CASS4: variants seen among roughly 807,000 people sequenced by gnomAD.
CASS4 encodes the protein Cas scaffold protein family member 4, also known as cas scaffolding protein family member 4.
In CASS4, 22 loss-of-function variants were observed where a neutral mutation model predicts 54.2. That is an observed-to-expected ratio of 0.41 (90% CI 0.29 to 0.58). The LOEUF (loss-of-function observed/expected upper bound fraction) is 0.58. CASS4 is among the 20% of genes least tolerant of loss of function. The pLI, the probability that CASS4 is intolerant of heterozygous loss-of-function variation, is 0.36. For synonymous variants in CASS4, 409 were observed against 391.5 expected, an observed-to-expected ratio of 1.04 and a Z score of -0.53; for missense variants, 854 against 986.7, an observed-to-expected ratio of 0.87 and a Z score of 1.80.
At chr20:56,431,303 C>T (rs1270438258) in intron 1 of CASS4, among the ~76,000 whole-genome samples, 1 of 152,162 alleles carries the variant, frequency 6.6e-6, no homozygotes, top group African/African-American at 2.4e-5. Flanking sequence ...AAGGAACTCC[C>T]CAAGACTTTG....
At chr20:56,445,769 C>T (rs116044858) in intron 2 of CASS4, 131 bp from the exon 3 acceptor site, 14 of 624,258 alleles carry the variant, frequency 2.2e-5, no homozygotes, top group Admixed American at 2.2e-4. Context: ...AGCCTGCCAG[C>T]GGGGGTGCCG....
intron 1 of CASS4, among the ~76,000 whole-genome samples, chr20:56,432,842 C>A (rs1036902657): frequency 1.3e-5 from 2 of 152,186 alleles, no homozygotes; most frequent in Non-Finnish European, 2.9e-5. Flanking sequence ...TGAGGTTTAT[C>A]TTCTGGACAT....
At chr20:56,447,471 G>A (rs935723477) in intron 3 of CASS4, among the ~76,000 whole-genome samples, 9 of 152,208 alleles carry the variant, frequency 5.9e-5, no homozygotes, top group African/African-American at 1.4e-4. Flanking sequence ...GCAAGAGGCA[G>A]GCAGGGACAA....
chr20:56,431,465 G>A (rs1459673337), intron 1 of CASS4, among the ~76,000 whole-genome samples: 2 of 152,216 alleles, frequency 1.3e-5, no homozygotes, highest in African/African-American at 4.8e-5. Context: ...ATATTGAGGG[G>A]AATCGTGTTA....
At chr20:56,436,793 G>A (rs1980193512) in intron 1 of CASS4, among the ~76,000 whole-genome samples, 1 of 152,120 alleles carries the variant, frequency 6.6e-6, no homozygotes, top group African/African-American at 2.4e-5. Flanking sequence ...AGGCTGGGGT[G>A]GGAGGACTGC....
chr20:56,455,800 G>A (rs964498028), intron 5 of CASS4, among the ~76,000 whole-genome samples: 4 of 151,962 alleles, frequency 2.6e-5, no homozygotes, highest in South Asian at 2.1e-4. Flanking sequence ...GCATGATAGC[G>A]GGCACCTGTA....
chr20:56,414,789 A>G lies in CASS4; in HGVS notation c.36+2295A>G, dbSNP rs897334153. 1.3e-5 allele frequency among the ~76,000 whole-genome samples: 2 copies of G among 152,156 alleles called. No homozygotes were observed. The highest frequency in any genetic ancestry group is 4.8e-5 in the African/African-American group (2 of 41,436). On this transcript the variant is annotated intron_variant, in intron 1 of 5. Transcript: ENST00000679887. This position sits in a 1 kb window ranked among gnomAD's most constrained non-coding sequence, Gnocchi z 4.1. ...GTGAAACCCCATCTCTAGTAAAAAT[A>G]CAAAAAAATTAGCTGGGCATAGTGG...
At chr20:56,421,043 T>C (rs1025784310) in intron 1 of CASS4, among the ~76,000 whole-genome samples, 1 of 152,120 alleles carries the variant, frequency 6.6e-6, no homozygotes, top group Non-Finnish European at 1.5e-5. Context: ...AAAATGACCA[T>C]AGAAAGATGG....
At position 56,458,310 on chromosome 20, in the gene CASS4, C is replaced by G. The variant is rs1600781390; in HGVS notation, c.1954-30C>G. 4.4e-6 allele frequency: 7 copies of G among 1,584,656 alleles called. No individual in the cohort carries two copies. In the East Asian group the frequency reaches 1.6e-4, roughly 36 times the overall value. Reference sequence around the variant, plus strand: ...CAGCCACAGCCCATTGATTGAATCTCCTATCTATTTTCTTCCTTCCCTTCT... The same window carrying G: ...CAGCCACAGCCCATTGATTGAATCTGCTATCTATTTTCTTCCTTCCCTTCT... On this transcript the variant is annotated intron_variant, in intron 5 of 5. Transcript: ENST00000679887.
chr20:56,433,160 C>A (rs1239640251), intron 1 of CASS4, among the ~76,000 whole-genome samples: 1 of 152,178 alleles, frequency 6.6e-6, no homozygotes, highest in East Asian at 1.9e-4. Context: ...ATGAGTTGAA[C>A]CCTAATGTGA....
chr20:56,428,433 T>G (rs1370077310), intron 1 of CASS4, among the ~76,000 whole-genome samples: 1 of 152,190 alleles, frequency 6.6e-6, no homozygotes, highest in African/African-American at 2.4e-5. Flanking sequence ...GCCCCCTGAC[T>G]ATTAACGTTG....
intron 1 of CASS4, among the ~76,000 whole-genome samples, chr20:56,432,355 C>CA (rs1979946567): frequency 9.9e-6 from 1 of 101,064 alleles, no homozygotes; most frequent in Non-Finnish European, 2.0e-5. Context: ...TTCATAAGTC[C>CA]TTTTTTTTTT....
At chr20:56,449,560 T>C (rs1432148947) in intron 3 of CASS4, among the ~76,000 whole-genome samples, 1 of 151,972 alleles carries the variant, frequency 6.6e-6, no homozygotes, top group Non-Finnish European at 1.5e-5. Flanking sequence ...TGTATACATA[T>C]GTAACAAACC....
At chr20:56,442,107 A>G (rs535009432) in intron 2 of CASS4, among the ~76,000 whole-genome samples, 2 of 149,844 alleles carry the variant, frequency 1.3e-5, no homozygotes, top group South Asian at 4.1e-4. Context: ...GGCTTGGAAC[A>G]CAGCCTTTGT....
At chr20:56,422,635 C>G (rs1417079568) in intron 1 of CASS4, among the ~76,000 whole-genome samples, 1 of 152,192 alleles carries the variant, frequency 6.6e-6, no homozygotes. Context: ...CTCAAAGCCC[C>G]GTTAGTAGGC....
chr20:56,452,232 C>T lies in CASS4; in HGVS notation c.1056C>T (p.Ile352=), dbSNP rs773768954. The T allele has an allele frequency of 1.2e-6, 2 of 1,614,110 alleles. No individual in the cohort carries two copies. The highest frequency in any genetic ancestry group is 2.2e-5 in the East Asian group (1 of 44,890). The change falls in exon 5 of 6, where the codon ATC becomes ATT. Residue 352 remains isoleucine, a synonymous_variant. Transcript: ENST00000679887. Reference sequence around the variant, plus strand: ...ACACCAAGCCCAATATTTATGACATCCCTAAAGCAACGTCGAGTGTTTCTC... The same window carrying T: ...ACACCAAGCCCAATATTTATGACATTCCTAAAGCAACGTCGAGTGTTTCTC... ...QQNTKPNIYD[I]PKATSSVSQA... is the part of the protein sequence containing the mutation.
chr20:56,421,495 G>C (rs1979407915), intron 1 of CASS4, among the ~76,000 whole-genome samples: 1 of 152,088 alleles, frequency 6.6e-6, no homozygotes, highest in African/African-American at 2.4e-5. Flanking sequence ...CCAGCTGTTG[G>C]AGACCAGCCT....
rs917229759 is a variant in CASS4, at chr20:56,436,283, CAG to C, written c.37-871_37-870del. On this transcript the variant is annotated intron_variant, in intron 1 of 5. Coordinates refer to ENST00000679887, the MANE Select transcript of CASS4 (RefSeq NM_020356.4). ...CTAAATGTCAGGCACCTGTACATGA[CAG>C]AGAGAGAGATACCCATATGTATACA... Among the ~76,000 whole-genome samples the C allele has an allele frequency of 2.5e-4, 38 of 150,282 alleles. 1 individual carries two copies. Among genetic ancestry groups the C allele is most frequent in the Admixed American group, 6.0e-4 (9 of 15,070 alleles).
rs779074764 is a variant in CASS4, at chr20:56,452,060, A to G, written c.884A>G (p.Asn295Ser). The G allele has an allele frequency of 9.9e-6, 16 of 1,614,210 alleles. No individual in the cohort carries two copies. Among genetic ancestry groups the G allele is most frequent in the Non-Finnish European group, 1.4e-5 (16 of 1,180,040 alleles). Residue 295 changes from asparagine to serine, a missense_variant, in exon 5 of 6, where the codon AAT becomes AGT. Physicochemically the swap from Asn to Ser is conservative, Grantham distance 46 (BLOSUM62 1). Transcript: ENST00000679887. ...GRSRSLTPQL[N>S]NNVPMQKKLS... Reference sequence around the variant, plus strand: ...TCCAGGTCCCTCACTCCACAACTGAATAACAATGTGCCCATGCAGAAAAAA... The same window carrying G: ...TCCAGGTCCCTCACTCCACAACTGAGTAACAATGTGCCCATGCAGAAAAAA...
Sources: allele counts gnomAD v4.1 joint callset (sites outside exome capture counted in the v4.1 genomes callset), GRCh38; gene constraint gnomAD v4.1.1; non-coding constraint Gnocchi (gnomAD v3.1); transcripts MANE v1.5; gene names NCBI Gene and HGNC (gene_info 2026-07-23, HGNC 2026-07-21).